ELF2: variants seen among roughly 807,000 people sequenced by gnomAD.
ELF2 encodes E74 like ETS transcription factor 2.
ELF2 carries 11 observed loss-of-function variants against 54.8 expected under a neutral mutation model. That is an observed-to-expected ratio of 0.20 (90% CI 0.13 to 0.33). The LOEUF (loss-of-function observed/expected upper bound fraction) is 0.33, where lower values mean the gene tolerates loss of function less well. Ranked by LOEUF, ELF2 falls within the 10% of genes least tolerant of loss-of-function variation. The pLI, the probability that ELF2 is intolerant of heterozygous loss-of-function variation, is 1.00. For synonymous variants in ELF2, 203 were observed against 245.1 expected (o/e 0.83, Z 1.61); for missense variants, 513 against 703.0 (o/e 0.73, Z 3.06).
intron 4 of ELF2, chr4:139,084,369 G>A (rs1165369768): frequency 6.1e-6 from 9 of 1,473,086 alleles, no homozygotes; most frequent in African/African-American, 4.2e-5. Flanking sequence ...AGCCGAGGCC[G>A]GCCCGCCTCC....
intron 4 of ELF2, among the ~76,000 whole-genome samples, chr4:139,074,089 C>G (rs547873896): frequency 6.6e-6 from 1 of 152,262 alleles, no homozygotes; most frequent in East Asian, 1.9e-4. Flanking sequence ...GATCGCACCA[C>G]TGCGCTCCAG....
intron 4 of ELF2, among the ~76,000 whole-genome samples, chr4:139,098,951 T>G (rs1282910187): frequency 6.6e-6 from 1 of 152,254 alleles, no homozygotes; most frequent in Non-Finnish European, 1.5e-5. Flanking sequence ...ATTATTTCTA[T>G]TCCATCATTT....
At chr4:139,126,309 G>A (rs1318417838) in intron 3 of ELF2, among the ~76,000 whole-genome samples, 2 of 151,398 alleles carry the variant, frequency 1.3e-5, no homozygotes, top group African/African-American at 2.4e-5. Flanking sequence ...ACCAGTCCAG[G>A]AGGTCCACTA....
intron 1 of ELF2, among the ~76,000 whole-genome samples, chr4:139,146,880 A>G (rs1578921440): frequency 6.6e-6 from 1 of 152,338 alleles, no homozygotes; most frequent in East Asian, 1.9e-4. Flanking sequence ...TCAACTCAAG[A>G]TAGATCAAAG....
chr4:139,093,643 T>A (rs1029543094), intron 4 of ELF2, among the ~76,000 whole-genome samples: 1 of 152,120 alleles, frequency 6.6e-6, no homozygotes, highest in African/African-American at 2.4e-5. Flanking sequence ...ACTGACCATA[T>A]TAATAGAGTA....
intron 4 of ELF2, among the ~76,000 whole-genome samples, chr4:139,095,466 T>C (rs915414202): frequency 6.6e-6 from 1 of 152,098 alleles, no homozygotes; most frequent in African/African-American, 2.4e-5. Flanking sequence ...ATTACAGGCA[T>C]GAGCCACTGT....
At chr4:139,171,891 T>G (rs1344154640) in intron 1 of ELF2, among the ~76,000 whole-genome samples, 2 of 152,178 alleles carry the variant, frequency 1.3e-5, no homozygotes, top group African/African-American at 4.8e-5. Flanking sequence ...ACTACTGCAC[T>G]CCAGCCTGGG....
intron 5 of ELF2, 139 bp downstream of exon 5, chr4:139,073,315 T>G (rs1284976053): frequency 2.2e-6 from 1 of 454,348 alleles, no homozygotes; most frequent in Non-Finnish European, 3.9e-6. Context: ...TAAAGTTCAA[T>G]TACTGCTGTC....
At position 139,125,294 on chromosome 4, in the gene ELF2, A is replaced by G; in HGVS notation, c.108T>C (p.Ile36=). The G allele has an allele frequency of 6.2e-7, 1 of 1,613,516 alleles. No individual in the cohort carries two copies. Among genetic ancestry groups the G allele is most frequent in the Non-Finnish European group, 8.5e-7 (1 of 1,179,876 alleles). ...SEKVSEYPAV[I]VEPVPSARLE... The stretch of plus-strand genomic sequence containing the variant: ...ATCTGGCACTTGGAACTGGCTCCAC[A>G]ATCACTGCTGGATATTCAGAAACCT... The change falls in exon 4 of 10, where the codon ATT becomes ATC. Residue 36 remains isoleucine (I), a synonymous_variant. Transcript: ENST00000686138.
At chr4:139,110,842 G>A (rs147480824) in intron 4 of ELF2, among the ~76,000 whole-genome samples, 2,161 of 152,124 alleles carry the variant, frequency 0.014, 63 homozygotes, top group South Asian at 0.14. Context: ...ACACATATCC[G>A]GAATCTTCCA....
intron 3 of ELF2, among the ~76,000 whole-genome samples, chr4:139,127,834 A>G (rs1578871716): frequency 6.6e-6 from 1 of 151,948 alleles, no homozygotes. Flanking sequence ...GCATGGTTGC[A>G]TGCGCCTGTA....
chr4:139,167,524 G>C (rs1741844609), intron 1 of ELF2, among the ~76,000 whole-genome samples: 3 of 152,098 alleles, frequency 2.0e-5, no homozygotes, highest in African/African-American at 7.2e-5. Flanking sequence ...AAACTGGGAT[G>C]ACTATAAAAA....
intron 4 of ELF2, among the ~76,000 whole-genome samples, chr4:139,112,165 C>G (rs1383335517): frequency 6.6e-6 from 1 of 152,092 alleles, no homozygotes; most frequent in African/African-American, 2.4e-5. Flanking sequence ...TCTCATAATT[C>G]ATATCTAGCC....
intron 1 of ELF2, among the ~76,000 whole-genome samples, chr4:139,170,293 C>T (rs1742157328): frequency 8.2e-6 from 1 of 122,532 alleles, no homozygotes; most frequent in Admixed American, 1.1e-4. Context: ...GAGACAGAGT[C>T]TCGCTCTGTT....
chr4:139,138,070 T>G (rs1738354033), intron 2 of ELF2, among the ~76,000 whole-genome samples: 1 of 152,178 alleles, frequency 6.6e-6, no homozygotes, highest in African/African-American at 2.4e-5. Context: ...CTGAATTAAG[T>G]TCTTAACAAG....
intron 1 of ELF2, among the ~76,000 whole-genome samples, chr4:139,167,051 T>C (rs1741800411): frequency 6.6e-6 from 1 of 152,204 alleles, no homozygotes; most frequent in Non-Finnish European, 1.5e-5. Flanking sequence ...AGTGAAAGCA[T>C]TTACTTTTTC....
chr4:139,169,254 A>G (rs1333623942), intron 1 of ELF2, among the ~76,000 whole-genome samples: 5 of 151,238 alleles, frequency 3.3e-5, no homozygotes, highest in Non-Finnish European at 1.5e-5. Context: ...AAGTTGAGGC[A>G]GGAGAATCAC....
chr4:139,095,081 T>G (rs1035395793), intron 4 of ELF2, among the ~76,000 whole-genome samples: 1 of 152,316 alleles, frequency 6.6e-6, no homozygotes. Context: ...TATGCCTTTT[T>G]TTCCCCGTCT....
rs747902467 is a variant in ELF2, at chr4:139,112,827, G to A, written c.238+12337C>T. 2.4e-4 allele frequency among the ~76,000 whole-genome samples: 36 copies of A among 151,992 alleles called. 1 individual carries two copies. The highest frequency in any genetic ancestry group is 8.8e-5 in the Non-Finnish European group (6 of 67,976). ...CTCTGAATCACTTGAACCAGGAGGC[G>A]GAAGTTTCAGGGAGCCAGAATTGCA... On this transcript the variant is annotated intron_variant, in intron 4 of 9. Coordinates refer to ENST00000686138, the MANE Select transcript of ELF2 (RefSeq NM_001331036.3).
Sources: allele counts gnomAD v4.1 joint callset (sites outside exome capture counted in the v4.1 genomes callset), GRCh38; gene constraint gnomAD v4.1.1; transcripts MANE v1.5; gene names NCBI Gene and HGNC (gene_info 2026-07-23, HGNC 2026-07-21).